MYO16: variants seen among roughly 807,000 people sequenced by gnomAD.
The protein encoded by MYO16 is unconventional myosin-XVI.
A neutral mutation model predicts 205.3 loss-of-function variants in MYO16; 94 were observed. The observed-to-expected ratio is 0.46, with a 90% CI of 0.39 to 0.54. MYO16 has a LOEUF of 0.54. Ranked by LOEUF, MYO16 falls within the 20% of genes least tolerant of loss-of-function variation. The pLI, the probability that MYO16 is intolerant of heterozygous loss-of-function variation, is 0.00. For missense variants in MYO16, 2,315 were observed against 2,387.5 expected, an observed-to-expected ratio of 0.97 and a Z score of 0.63; for synonymous variants, 988 against 954.0, an observed-to-expected ratio of 1.04 and a Z score of -0.66.
chr13:109,038,500 C>A (rs1224753553), intron 23 of MYO16, among the ~76,000 whole-genome samples: 1 of 152,120 alleles, frequency 6.6e-6, no homozygotes, highest in East Asian at 1.9e-4. Context: ...GGCTCTCTGG[C>A]TGTCAGGCTT....
intron 32 of MYO16, among the ~76,000 whole-genome samples, chr13:109,146,971 A>G (rs975646659): frequency 6.6e-6 from 1 of 151,984 alleles, no homozygotes; most frequent in African/African-American, 2.4e-5. Flanking sequence ...TTCTTAAGGC[A>G]TTTTAATAAG....
At chr13:108,696,777 T>C (rs1488198794) in intron 2 of MYO16, among the ~76,000 whole-genome samples, 2 of 152,180 alleles carry the variant, frequency 1.3e-5, no homozygotes, top group Non-Finnish European at 2.9e-5. Flanking sequence ...ACTTTTCGAC[T>C]ACATGGAACT....
the MYO16 span, among the ~76,000 whole-genome samples, chr13:108,573,265 C>A: frequency 7.9e-5 from 12 of 152,152 alleles, no homozygotes; most frequent in South Asian, 1.9e-3. Flanking sequence ...ATCTTAGATG[C>A]GGATTATAGG....
At chr13:109,010,480 CT>C (rs1399401688) in intron 22 of MYO16, among the ~76,000 whole-genome samples, 1 of 152,146 alleles carries the variant, frequency 6.6e-6, no homozygotes, top group Non-Finnish European at 1.5e-5. Context: ...AGAATATCAT[CT>C]TGATTTTTGG....
the MYO16 span, among the ~76,000 whole-genome samples, chr13:108,516,671 A>G: frequency 6.6e-6 from 1 of 152,160 alleles, no homozygotes; most frequent in African/African-American, 2.4e-5. Context: ...CCTTACTTTC[A>G]TAGCATTTAT....
chr13:108,615,369 T>C (rs1293702613), intron 1 of MYO16, among the ~76,000 whole-genome samples: 1 of 152,136 alleles, frequency 6.6e-6, no homozygotes, highest in Non-Finnish European at 1.5e-5. Context: ...TAAAATAGTA[T>C]GCCCTCTTTG....
At chr13:108,900,807 A>G (rs541446297) in intron 15 of MYO16, among the ~76,000 whole-genome samples, 1 of 152,326 alleles carries the variant, frequency 6.6e-6, no homozygotes, top group South Asian at 2.1e-4. Context: ...AGGGAACAAG[A>G]GAGATAACCT....
At chr13:109,205,443 A>G (rs1350122231) in intron 34 of MYO16, among the ~76,000 whole-genome samples, 2 of 151,928 alleles carry the variant, frequency 1.3e-5, no homozygotes, top group Admixed American at 6.6e-5. Flanking sequence ...GTTTTGTTTT[A>G]TTTTCTCTCA....
At chr13:108,879,187 G>A (rs1879477216) in intron 12 of MYO16, among the ~76,000 whole-genome samples, 1 of 152,150 alleles carries the variant, frequency 6.6e-6, no homozygotes, top group African/African-American at 2.4e-5. Context: ...GTTTGTACTT[G>A]ATGTAAGTGA....
intron 21 of MYO16, among the ~76,000 whole-genome samples, chr13:108,997,725 C>G (rs1885079518): frequency 2.6e-5 from 4 of 152,188 alleles, no homozygotes; most frequent in Admixed American, 2.6e-4. Context: ...CTATTCCCAG[C>G]TACTCGGGAG....
intron 19 of MYO16, among the ~76,000 whole-genome samples, chr13:108,964,194 C>G (rs954891917): frequency 6.6e-6 from 1 of 152,182 alleles, no homozygotes; most frequent in Admixed American, 6.5e-5. Context: ...CCAAACCACC[C>G]TTGCTCTTTT....
chr13:109,092,130 T>C (rs1446120795), intron 27 of MYO16, among the ~76,000 whole-genome samples: 1 of 152,218 alleles, frequency 6.6e-6, no homozygotes, highest in Non-Finnish European at 1.5e-5. Flanking sequence ...AGTTTTACTT[T>C]CATAACAAAA....
chr13:109,189,016 C>T (rs1022748006), intron 34 of MYO16, among the ~76,000 whole-genome samples: 4 of 151,858 alleles, frequency 2.6e-5, no homozygotes, highest in African/African-American at 7.3e-5. Context: ...ATTGCTTGAA[C>T]CAGGGAGGCG....
At chr13:109,116,170 C>A (rs1323563721) in intron 28 of MYO16, among the ~76,000 whole-genome samples, 1 of 152,142 alleles carries the variant, frequency 6.6e-6, no homozygotes, top group Non-Finnish European at 1.5e-5. Flanking sequence ...GTAATAGCAG[C>A]AAGCACAATA....
At chr13:108,775,601 G>A (rs992353073) in intron 4 of MYO16, among the ~76,000 whole-genome samples, 1 of 150,748 alleles carries the variant, frequency 6.6e-6, no homozygotes, top group African/African-American at 2.4e-5. Context: ...TTGATATGCT[G>A]AAAACTAGAT....
At chr13:108,680,560 A>G (rs1882419759) in intron 2 of MYO16, among the ~76,000 whole-genome samples, 2 of 152,172 alleles carry the variant, frequency 1.3e-5, no homozygotes, top group African/African-American at 4.8e-5. Flanking sequence ...AGAGAAGCAA[A>G]ATTAGCTCTA....
At chr13:108,979,973 A>G (rs1566443671) in intron 20 of MYO16, among the ~76,000 whole-genome samples, 2 of 152,146 alleles carry the variant, frequency 1.3e-5, no homozygotes, top group South Asian at 2.1e-4. Flanking sequence ...ATTAATCATG[A>G]TATCTATGAT....
intron 1 of MYO16, among the ~76,000 whole-genome samples, chr13:108,601,901 C>T (rs1181175145): frequency 6.6e-6 from 1 of 152,016 alleles, no homozygotes; most frequent in Admixed American, 6.6e-5. Context: ...TCAATTCTTT[C>T]AACCTGCTGT....
intron 4 of MYO16, among the ~76,000 whole-genome samples, chr13:108,771,202 G>A (rs149297596): frequency 6.6e-6 from 1 of 152,286 alleles, no homozygotes; most frequent in Non-Finnish European, 1.5e-5. Context: ...CACGGGGGGA[G>A]AGGGTAGTCC....
Sources: allele counts gnomAD v4.1 joint callset (sites outside exome capture counted in the v4.1 genomes callset), GRCh38; gene constraint gnomAD v4.1.1; transcripts MANE v1.5; gene names NCBI Gene and HGNC (gene_info 2026-07-23, HGNC 2026-07-21).